The following STK3 variants were observed in gnomAD, a reference collection of about 807,000 sequenced individuals.
The protein encoded by STK3 is serine/threonine-protein kinase 3.
A neutral mutation model predicts 58.0 loss-of-function variants in STK3; 41 were observed. The ratio of observed to expected loss-of-function variants is 0.71; its 90% CI spans 0.55 to 0.92. The LOEUF (loss-of-function observed/expected upper bound fraction) is 0.92, where lower values mean the gene tolerates loss of function less well. Among genes scored for constraint, STK3 ranks in the 40% least tolerant of loss-of-function variants. The probability of loss-of-function intolerance (pLI) is 0.00; values close to 1 mark genes in which losing one functional copy is unlikely to be tolerated. For missense variants in STK3, 479 were observed against 602.7 expected, an observed-to-expected ratio of 0.79 and a Z score of 2.15; for synonymous variants, 170 against 191.0, an observed-to-expected ratio of 0.89 and a Z score of 0.91.
chr8:98,780,190 T>C (rs968540479), intron 1 of STK3, among the ~76,000 whole-genome samples: 6 of 151,764 alleles, frequency 4.0e-5, no homozygotes, highest in Admixed American at 3.9e-4. Context: ...TATATAAATA[T>C]ATATACATAT....
At chr8:98,941,392 C>A (rs1225449224) in intron 1 of STK3, among the ~76,000 whole-genome samples, 2 of 152,212 alleles carry the variant, frequency 1.3e-5, no homozygotes, top group African/African-American at 4.8e-5. Context: ...CGAAAAACGG[C>A]CAACAGTGCG....
intron 8 of STK3, among the ~76,000 whole-genome samples, chr8:98,566,087 C>T (rs1812458358): frequency 6.6e-6 from 1 of 152,108 alleles, no homozygotes; most frequent in Admixed American, 6.5e-5. Flanking sequence ...CAAAACATGT[C>T]AATTTGTCAA....
chr8:98,585,771 T>A (rs1281561290), intron 7 of STK3, among the ~76,000 whole-genome samples: 5 of 152,218 alleles, frequency 3.3e-5, no homozygotes, highest in African/African-American at 4.8e-5. Context: ...TTCTATTTTC[T>A]TGAGCAGGGG....
At chr8:98,795,061 A>G (rs1416601870) in intron 1 of STK3, among the ~76,000 whole-genome samples, 1 of 133,986 alleles carries the variant, frequency 7.5e-6, no homozygotes, top group Non-Finnish European at 1.6e-5. Context: ...AGAGCCAGAC[A>G]AGAGCAAAAC....
intron 1 of STK3, among the ~76,000 whole-genome samples, chr8:98,806,882 C>A (rs539263184): frequency 1.3e-5 from 2 of 152,242 alleles, no homozygotes; most frequent in East Asian, 3.9e-4. Context: ...GGGCTGAGCA[C>A]GGTGGCTCAC....
intron 6 of STK3, among the ~76,000 whole-genome samples, chr8:98,652,943 C>T (rs1318737968): frequency 2.6e-5 from 4 of 152,062 alleles, no homozygotes; most frequent in South Asian, 4.2e-4. Flanking sequence ...AGTTAATAAG[C>T]ATACCCAGGA....
At chr8:98,591,943 T>C (rs1189382782) in intron 7 of STK3, among the ~76,000 whole-genome samples, 1 of 152,216 alleles carries the variant, frequency 6.6e-6, no homozygotes, top group Admixed American at 6.5e-5. Flanking sequence ...TTCTCTCACT[T>C]CTGTTAATAC....
Position 98,825,561 on chromosome 8 carries a change from G to A in STK3, c.-21C>T, listed in dbSNP as rs374484621. On this transcript the variant is annotated 5_prime_UTR_variant, in exon 1 of 11. Coordinates refer to ENST00000419617, the MANE Select transcript of STK3 (RefSeq NM_006281.4). ...TCCATGGCGGCCGGGGACAGAGAGAGGGACCTGGTGGACGGCGAAGGCCGA... is the reference window on the plus strand; with the variant it reads ...TCCATGGCGGCCGGGGACAGAGAGAAGGACCTGGTGGACGGCGAAGGCCGA... 3 of 1,451,618 alleles carry A rather than the reference G, an allele frequency of 2.1e-6. No individual in the cohort carries two copies. The highest frequency in any genetic ancestry group is 2.6e-5 in the Admixed American group (1 of 37,972). 89.9% of individuals were successfully genotyped at this position (1,451,618 alleles called of 1,614,324 possible).
chr8:98,939,684 G>T (rs2132061932), intron 1 of STK3, among the ~76,000 whole-genome samples: 2 of 152,384 alleles, frequency 1.3e-5, no homozygotes, highest in South Asian at 2.1e-4. Flanking sequence ...CAAAGTTTAA[G>T]CGTTGGCAAG....
intron 10 of STK3, among the ~76,000 whole-genome samples, chr8:98,481,508 G>A (rs1821848099): frequency 1.3e-5 from 2 of 152,086 alleles, no homozygotes; most frequent in South Asian, 4.1e-4. Context: ...ACCAAATACT[G>A]CATGTTTTTA....
At chr8:98,592,339 T>C (rs1815387547) in intron 7 of STK3, among the ~76,000 whole-genome samples, 1 of 152,222 alleles carries the variant, frequency 6.6e-6, no homozygotes, top group African/African-American at 2.4e-5. Flanking sequence ...ATATTGTTCA[T>C]ACCATTTCTC....
At chr8:98,529,893 G>A (rs1438730058) in intron 9 of STK3, among the ~76,000 whole-genome samples, 4 of 152,244 alleles carry the variant, frequency 2.6e-5, no homozygotes, top group African/African-American at 7.2e-5. Flanking sequence ...GGGAGTCGGC[G>A]TTTAACAGGT....
intron 3 of STK3, among the ~76,000 whole-genome samples, chr8:98,425,108 A>AC (rs1818214509): frequency 6.6e-6 from 1 of 152,118 alleles, no homozygotes; most frequent in Non-Finnish European, 1.5e-5. Flanking sequence ...TGAAGCACAC[A>AC]CCCCCTCAGC....
chr8:98,629,845 C>T (rs1819046363), intron 6 of STK3, among the ~76,000 whole-genome samples: 1 of 152,156 alleles, frequency 6.6e-6, no homozygotes, highest in African/African-American at 2.4e-5. Context: ...ATGCAAACCA[C>T]TCAATCTAAA....
downstream of STK3, among the ~76,000 whole-genome samples, chr8:98,398,417 C>T (rs185094067): frequency 9.2e-5 from 14 of 152,234 alleles, no homozygotes; most frequent in South Asian, 6.2e-4. Context: ...CCCTCAGTCC[C>T]GAGCAAACTG....
intron 3 of STK3, among the ~76,000 whole-genome samples, chr8:98,426,598 C>A (rs2067391895): frequency 6.6e-6 from 1 of 152,184 alleles, no homozygotes; most frequent in Non-Finnish European, 1.5e-5. Flanking sequence ...ACAACCCCAC[C>A]CCCGGGCTTC....
intron 7 of STK3, among the ~76,000 whole-genome samples, chr8:98,590,423 C>A (rs1815195077): frequency 6.6e-6 from 1 of 152,288 alleles, no homozygotes. Flanking sequence ...CCGAGAAGAT[C>A]TGGGAAGGAG....
chr8:98,802,481 A>G (rs769759778), intron 1 of STK3, among the ~76,000 whole-genome samples: 33 of 152,316 alleles, frequency 2.2e-4, no homozygotes, highest in Non-Finnish European at 4.0e-4. Context: ...TATATTATGT[A>G]AGATTGGCCA....
intron 1 of STK3, among the ~76,000 whole-genome samples, chr8:98,802,981 A>T (rs1833656363): frequency 6.6e-6 from 1 of 152,174 alleles, no homozygotes; most frequent in African/African-American, 2.4e-5. Flanking sequence ...CCAGCACAAA[A>T]AACTGTACCT....
Sources: allele counts gnomAD v4.1 joint callset (sites outside exome capture counted in the v4.1 genomes callset), GRCh38; gene constraint gnomAD v4.1.1; transcripts MANE v1.5; gene names NCBI Gene and HGNC (gene_info 2026-07-23, HGNC 2026-07-21).